Variants in SHBG observed in about 807,000 individuals in gnomAD.
The protein encoded by SHBG is sex hormone-binding globulin.
A neutral mutation model predicts 41.9 loss-of-function variants in SHBG; 37 were observed. The observed-to-expected ratio is 0.88, with a 90% CI of 0.68 to 1.16. The LOEUF is 1.16. Among genes scored for constraint, SHBG ranks in the 50% most tolerant of loss-of-function variants. The pLI is 0.00. For missense variants in SHBG, 466 were observed against 499.9 expected (o/e 0.93, Z 0.65); for synonymous variants, 217 against 205.8 (o/e 1.05, Z -0.47).
chr17:7,630,512 G>A lies in SHBG; in HGVS notation c.203+5G>A. 1 of 1,613,216 alleles carries A rather than the reference G, an allele frequency of 6.2e-7. No individual in the cohort carries two copies. The highest frequency in any genetic ancestry group is 8.5e-7 in the Non-Finnish European group (1 of 1,179,214). On this transcript the variant is annotated splice_donor_5th_base_variant and intron_variant, in intron 2 of 7. Transcript: ENST00000380450. The surrounding 1 kb of genome is among the most constrained non-coding windows in gnomAD (Gnocchi z 4.6). ...TGACCTCACCAAGATCACAAAGTAT[G>A]GGGTTGGCCTAGCCCTTGACCCAGT... is the stretch of plus-strand genomic sequence containing the variant.
At chr17:7,629,873 A>C (rs1451334186), upstream of SHBG, among the ~76,000 whole-genome samples, 3 of 151,952 alleles carry the variant, frequency 2.0e-5, no homozygotes, top group Non-Finnish European at 4.4e-5. Context: ...TGGAGGACCT[A>C]GATCAGGCCC....
At chr17:7,628,713 T>C (rs1056050041), upstream of SHBG, among the ~76,000 whole-genome samples, 10 of 151,974 alleles carry the variant, frequency 6.6e-5, no homozygotes, top group Non-Finnish European at 1.5e-4. Flanking sequence ...TCTAAAGTGC[T>C]GGGATTACAG....
intron 1 of SHBG, among the ~76,000 whole-genome samples, chr17:7,617,465 T>C (rs2072014335): frequency 6.6e-6 from 1 of 151,894 alleles, no homozygotes; most frequent in Non-Finnish European, 1.5e-5. Context: ...TAGCTGGGCA[T>C]GGTGGCACGC....
In SHBG at chr17:7,631,278, G is replaced by A. The variant is rs1451728868; in HGVS notation, c.472G>A (p.Gly158Arg). The stretch of plus-strand genomic sequence containing the variant: ...GGTGCTGCGCCTGAGACAGGTCTCT[G>A]GGCCCCTGACCAGCAAACGCCATCC... ...EEVLRLRQVS[G>R]PLTSKRHPIM... Residue 158 changes from glycine to arginine, a missense_variant, in exon 4 of 8, where the codon GGG becomes AGG. By Grantham distance (125) the Gly-to-Arg change is moderately radical. Transcript: ENST00000380450. The A allele has an allele frequency of 1.2e-6, 2 of 1,613,164 alleles. No homozygotes were observed. The highest frequency in any genetic ancestry group is 8.5e-7 in the Non-Finnish European group (1 of 1,179,642).
At chr17:7,627,520 G>T, upstream of SHBG, 1 of 1,061,762 alleles carries the variant, frequency 9.4e-7, no homozygotes, top group Non-Finnish European at 1.4e-6. The surrounding 1 kb of genome is among the most constrained non-coding windows in gnomAD (Gnocchi z 4.8). Context: ...CTACGACCCC[G>T]CTCTGGCCGC....
At chr17:7,616,796 C>G (rs1471373623) in intron 1 of SHBG, among the ~76,000 whole-genome samples, 2 of 151,992 alleles carry the variant, frequency 1.3e-5, no homozygotes, top group Non-Finnish European at 2.9e-5. Context: ...ATTAGCTGGG[C>G]ATGGTGGTGC....
upstream of SHBG, among the ~76,000 whole-genome samples, chr17:7,629,875 A>G (rs2072341730): frequency 6.6e-6 from 1 of 152,088 alleles, no homozygotes; most frequent in Admixed American, 6.6e-5. Context: ...GAGGACCTAG[A>G]TCAGGCCCTA....
chr17:7,619,029 G>A (rs1032533616), intron 1 of SHBG, among the ~76,000 whole-genome samples: 5 of 152,100 alleles, frequency 3.3e-5, no homozygotes, highest in African/African-American at 1.2e-4. Context: ...AAACAAAAAT[G>A]GTACAGGAAA....
intron 4 of SHBG, 64 bp from the exon 5 acceptor site, chr17:7,631,525 T>C: frequency 6.3e-7 from 1 of 1,593,882 alleles, no homozygotes; most frequent in Middle Eastern, 2.0e-4. Context: ...GGCAGGGAGG[T>C]CGGGACTGCG....
chr17:7,626,931 T>G (rs2072228717), upstream of SHBG: 3 of 1,612,942 alleles, frequency 1.9e-6, no homozygotes, highest in South Asian at 3.3e-5. Context: ...AGCCTCAGCT[T>G]CTGCCCAGTA....
chr17:7,628,927 A>C (rs2072311456), upstream of SHBG, among the ~76,000 whole-genome samples: 1 of 152,044 alleles, frequency 6.6e-6, no homozygotes, highest in Non-Finnish European at 1.5e-5. Flanking sequence ...GTGGTGGCGC[A>C]TGCCTTTACT....
upstream of SHBG, among the ~76,000 whole-genome samples, chr17:7,628,739 C>G (rs1384071715): frequency 6.6e-6 from 1 of 152,062 alleles, no homozygotes; most frequent in African/African-American, 2.4e-5. Flanking sequence ...ACCCACCAAG[C>G]CCGGTCTGTC....
At chr17:7,626,963 T>G, upstream of SHBG, 1 of 1,613,866 alleles carries the variant, frequency 6.2e-7, no homozygotes, top group Non-Finnish European at 8.5e-7. Context: ...CGGCATCACA[T>G]AGATATCCTC....
chr17:7,621,897 C>T (rs979958911), intron 1 of SHBG, among the ~76,000 whole-genome samples: 8 of 151,162 alleles, frequency 5.3e-5, no homozygotes, highest in Non-Finnish European at 7.4e-5. Context: ...AGTGCAGTGG[C>T]GCAATCTTGG....
At chr17:7,627,370 A>ACTGATCTTCAC (rs1255369928), upstream of SHBG, 1 of 1,614,070 alleles carries the variant, frequency 6.2e-7, no homozygotes, top group Non-Finnish European at 8.5e-7. The surrounding 1 kb of genome is among the most constrained non-coding windows in gnomAD (Gnocchi z 4.8). Flanking sequence ...CACCTTCTTC[A>ACTGATCTTCAC]CTGATCTTCA....
At chr17:7,620,747 C>T (rs2072077444) in intron 1 of SHBG, among the ~76,000 whole-genome samples, 1 of 151,818 alleles carries the variant, frequency 6.6e-6, no homozygotes. Flanking sequence ...TCTCCTGTCT[C>T]AGTTTCCCAA....
chr17:7,627,516 C>A, upstream of SHBG: 1 of 1,593,170 alleles, frequency 6.3e-7, no homozygotes, highest in South Asian at 1.1e-5. This position sits in a 1 kb window ranked among gnomAD's most constrained non-coding sequence, Gnocchi z 4.8. Context: ...CCTCCTACGA[C>A]CCCGCTCTGG....
At chr17:7,627,816 G>T (rs779082681), upstream of SHBG, 9 of 706,210 alleles carry the variant, frequency 1.3e-5, no homozygotes, top group Admixed American at 4.3e-5. The surrounding 1 kb of genome is among the most constrained non-coding windows in gnomAD (Gnocchi z 4.8). Flanking sequence ...CCGTACGGGA[G>T]GAGAGAGTAG....
chr17:7,632,367 C>G (rs1446819334), intron 6 of SHBG, among the ~76,000 whole-genome samples: 2 of 151,964 alleles, frequency 1.3e-5, no homozygotes, highest in Non-Finnish European at 2.9e-5. Flanking sequence ...TCACTTGAGC[C>G]CAGGAGTTTG....
Sources: allele counts gnomAD v4.1 joint callset (sites outside exome capture counted in the v4.1 genomes callset), GRCh38; gene constraint gnomAD v4.1.1; non-coding constraint Gnocchi (gnomAD v3.1); transcripts MANE v1.5; gene names NCBI Gene and HGNC (gene_info 2026-07-23, HGNC 2026-07-21).